The following TMEM135 variants were observed in gnomAD, a reference collection of about 807,000 sequenced individuals.
The protein encoded by TMEM135 is transmembrane protein 135.
TMEM135 carries 30 observed loss-of-function variants against 60.3 expected under a neutral mutation model. The observed-to-expected ratio is 0.50, with a 90% CI of 0.37 to 0.68. The LOEUF (loss-of-function observed/expected upper bound fraction) is 0.68, where lower values mean the gene tolerates loss of function less well. TMEM135 is among the 30% of genes least tolerant of loss of function. TMEM135 has a pLI of 0.00. For synonymous variants in TMEM135, 190 were observed against 186.7 expected (o/e 1.02, Z -0.14); for missense variants, 468 against 548.8 (o/e 0.85, Z 1.47).
At chr11:87,177,526 T>C (rs4944671) in intron 5 of TMEM135, among the ~76,000 whole-genome samples, 25,400 of 152,156 alleles carry the variant, frequency 0.17, 2,490 homozygotes, top group African/African-American at 0.27. Context: ...TGAAAGTGTG[T>C]AATTCAGTAA....
chr11:87,143,637 T>C (rs1938327521), intron 4 of TMEM135, among the ~76,000 whole-genome samples: 1 of 152,190 alleles, frequency 6.6e-6, no homozygotes. Context: ...TTTCTAGTTT[T>C]TGCCTGACTT....
At position 87,326,558 on chromosome 11, in the gene TMEM135, G is replaced by A. The variant is rs1375977943; in HGVS notation, c.*5225G>A. The stretch of plus-strand genomic sequence containing the variant: ...GTCATTATGGGATTGGATGCCAAAA[G>A]GAATGGGAGAGAAGAGACTATAAAC... On this transcript the variant is annotated 3_prime_UTR_variant, in exon 15 of 15. Transcript: ENST00000305494. 3 of 453,944 alleles carry A rather than the reference G, an allele frequency of 6.6e-6. No individual in the cohort carries two copies. Among genetic ancestry groups the A allele is most frequent in the East Asian group, 6.9e-5 (1 of 14,404 alleles). 28.1% of individuals were successfully genotyped at this position (453,944 alleles called of 1,614,324 possible).
At chr11:87,065,950 C>T (rs965467) in intron 1 of TMEM135, among the ~76,000 whole-genome samples, 104,460 of 152,104 alleles carry the variant, frequency 0.69, 37,438 homozygotes, top group East Asian at 0.88. Context: ...TATTTCCCTA[C>T]GGAGATTTTA....
At chr11:87,314,328 T>A in intron 11 of TMEM135, 143 bp from the exon 12 acceptor site, 1 of 668,260 alleles carries the variant, frequency 1.5e-6, no homozygotes, top group Non-Finnish European at 2.6e-6. Flanking sequence ...CCCATTTTAA[T>A]GTCATCTGGT....
At chr11:87,102,704 GTATATATATGTATATATATATATGTA>G (rs1193783949) in intron 4 of TMEM135, among the ~76,000 whole-genome samples, 22 of 131,650 alleles carry the variant, frequency 1.7e-4, no homozygotes, top group African/African-American at 6.7e-4. Context: ...ATATATATAT[GTATATATATGTATATATATATATGTA>G]TATATATATG....
At chr11:87,173,521 C>T (rs1233067337) in intron 5 of TMEM135, among the ~76,000 whole-genome samples, 1 of 152,126 alleles carries the variant, frequency 6.6e-6, no homozygotes, top group Admixed American at 6.6e-5. Context: ...TGTAAACAGA[C>T]CAGCAGCAAG....
chr11:87,259,284 G>T, intron 6 of TMEM135: 2 of 359,672 alleles, frequency 5.6e-6, no homozygotes, highest in South Asian at 5.1e-5. Context: ...CACCAGAAGT[G>T]GAAAAAAAGG....
Position 87,067,107 on chromosome 11 carries a change from CT to C in TMEM135, c.142-576del, listed in dbSNP as rs573492309. The stretch of plus-strand genomic sequence containing the variant: ...GATTCTTAATATTATTTTTTCAGGT[CT>C]TTTTTTTTTTAATGGGCTCCAGGAG... On this transcript the variant is annotated intron_variant, in intron 1 of 14. Coordinates refer to ENST00000305494, the MANE Select transcript of TMEM135 (RefSeq NM_022918.4). 3.4e-3 allele frequency among the ~76,000 whole-genome samples: 472 copies of C among 137,074 alleles called. 1 individual carries two copies. Among genetic ancestry groups the C allele is most frequent in the African/African-American group, 0.011 (401 of 37,534 alleles). 89.9% of individuals were successfully genotyped at this position (137,074 alleles called of 152,430 possible).
chr11:87,133,382 C>G (rs1937993180), intron 4 of TMEM135, among the ~76,000 whole-genome samples: 1 of 152,098 alleles, frequency 6.6e-6, no homozygotes, highest in Non-Finnish European at 1.5e-5. Context: ...TCTTCATGCT[C>G]CTTGGTAAGT....
intron 6 of TMEM135, among the ~76,000 whole-genome samples, chr11:87,261,820 C>T (rs1941656912): frequency 6.6e-6 from 1 of 152,024 alleles, no homozygotes; most frequent in Non-Finnish European, 1.5e-5. Context: ...AGGCGGGATC[C>T]CCTTACGTTG....
At chr11:87,302,150 GA>G in intron 7 of TMEM135, 145 bp from the exon 8 acceptor site, 1 of 861,240 alleles carries the variant, frequency 1.2e-6, no homozygotes. Flanking sequence ...TTCATAGGAT[GA>G]TTTGATTTTA....
intron 4 of TMEM135, among the ~76,000 whole-genome samples, chr11:87,151,491 C>T (rs961906437): frequency 6.6e-6 from 1 of 151,996 alleles, no homozygotes; most frequent in African/African-American, 2.4e-5. Context: ...TTATTTTGCT[C>T]TGTCTTTCCT....
chr11:87,306,613 T>C (rs907175605), intron 9 of TMEM135, among the ~76,000 whole-genome samples: 24 of 152,174 alleles, frequency 1.6e-4, no homozygotes, highest in African/African-American at 5.8e-4. Context: ...TGCTGTTGTG[T>C]TGTCCCTCCT....
At chr11:87,195,072 A>G (rs1009229458) in intron 5 of TMEM135, among the ~76,000 whole-genome samples, 1 of 152,098 alleles carries the variant, frequency 6.6e-6, no homozygotes, top group African/African-American at 2.4e-5. Context: ...AGTCTTCTTT[A>G]TGTGTTATCT....
intron 4 of TMEM135, among the ~76,000 whole-genome samples, chr11:87,113,917 A>G (rs1857814881): frequency 6.6e-6 from 1 of 152,064 alleles, no homozygotes; most frequent in Admixed American, 6.6e-5. Flanking sequence ...AAGACGTACT[A>G]GTGCATAGGA....
intron 5 of TMEM135, among the ~76,000 whole-genome samples, chr11:87,194,199 A>G (rs1939880133): frequency 6.6e-6 from 1 of 152,198 alleles, no homozygotes; most frequent in African/African-American, 2.4e-5. Flanking sequence ...GTTAAAAAAA[A>G]ATTGGTAAAT....
intron 6 of TMEM135, among the ~76,000 whole-genome samples, chr11:87,259,487 A>AC (rs1941600316): frequency 6.6e-6 from 1 of 152,324 alleles, no homozygotes; most frequent in African/African-American, 2.4e-5. Context: ...TCTATTTCAG[A>AC]CATTTTTAAG....
At chr11:87,108,499 CTCAGTT>C (rs143340556) in intron 4 of TMEM135, among the ~76,000 whole-genome samples, 7,136 of 152,042 alleles carry the variant, frequency 0.047, 243 homozygotes, top group South Asian at 0.097. Flanking sequence ...TAAAAAAACT[CTCAGTT>C]TTGTTGATTT....
At chr11:87,121,905 G>T (rs1937603488) in intron 4 of TMEM135, among the ~76,000 whole-genome samples, 1 of 152,150 alleles carries the variant, frequency 6.6e-6, no homozygotes, top group African/African-American at 2.4e-5. Flanking sequence ...CTCCCAATGT[G>T]CTGGGATTAT....
Sources: gnomAD v4.1 joint callset for allele counts (sites outside exome capture counted in the v4.1 genomes callset) on GRCh38, gnomAD v4.1.1 for gene constraint, MANE v1.5 for transcripts, NCBI Gene and HGNC (gene_info 2026-07-23, HGNC 2026-07-21) for gene names.